Variants in DCDC2 observed in about 807,000 individuals in gnomAD.
DCDC2 encodes the protein doublecortin domain containing 2.
Under a neutral mutation model 50.2 loss-of-function variants are expected in DCDC2, and 40 were observed. The observed-to-expected ratio is 0.80, with a 90% confidence interval of 0.62 to 1.04. The LOEUF (loss-of-function observed/expected upper bound fraction) is 1.04, where lower values mean the gene tolerates loss of function less well. Among genes scored for constraint, DCDC2 ranks in the 50% least tolerant of loss-of-function variants. The pLI is 0.00. For missense variants in DCDC2, 570 were observed against 581.9 expected (o/e 0.98, Z 0.21); for synonymous variants, 234 against 210.6 (o/e 1.11, Z -0.96).
chr6:24,289,971 C>CTTT (rs3077132), intron 5 of DCDC2, among the ~76,000 whole-genome samples: 12 of 61,046 alleles, frequency 2.0e-4, no homozygotes, highest in Non-Finnish European at 1.7e-4. Context: ...CAGAGCTCTT[C>CTTT]TTTTTTTTTT....
At chr6:24,224,893 A>T (rs1396181546) in intron 7 of DCDC2, among the ~76,000 whole-genome samples, 1 of 152,162 alleles carries the variant, frequency 6.6e-6, no homozygotes, top group Non-Finnish European at 1.5e-5. Context: ...AAGAGCCTTA[A>T]AGAGGAAGTT....
intron 7 of DCDC2, 95 bp from the exon 8 acceptor site, chr6:24,205,197 C>T (rs1336833901): frequency 6.2e-7 from 1 of 1,613,636 alleles, no homozygotes; most frequent in African/African-American, 1.3e-5. Context: ...TTTTAATAGA[C>T]ATTTGGATTC....
At chr6:24,203,026 G>A (rs993832411) in intron 8 of DCDC2, among the ~76,000 whole-genome samples, 19 of 152,170 alleles carry the variant, frequency 1.2e-4, no homozygotes, top group Admixed American at 1.3e-4. Context: ...CTTGTGGATA[G>A]GAAGAATTGA....
intron 2 of DCDC2, among the ~76,000 whole-genome samples, chr6:24,338,035 C>T (rs1314976406): frequency 1.3e-5 from 2 of 152,164 alleles, no homozygotes; most frequent in South Asian, 4.1e-4. Context: ...CTTCCTTCTG[C>T]ATTAACACAC....
At chr6:24,219,815 T>C (rs915574273) in intron 7 of DCDC2, among the ~76,000 whole-genome samples, 1 of 152,216 alleles carries the variant, frequency 6.6e-6, no homozygotes, top group Non-Finnish European at 1.5e-5. Context: ...AATATGTGTG[T>C]GTTTGTGGTT....
chr6:24,199,221 A>T (rs1037353251), intron 8 of DCDC2, among the ~76,000 whole-genome samples: 7 of 152,170 alleles, frequency 4.6e-5, no homozygotes, highest in African/African-American at 1.7e-4. Flanking sequence ...CTGGGAGAAA[A>T]TTCACAGGAT....
At chr6:24,228,764 CAT>C (rs1415308590) in intron 7 of DCDC2, among the ~76,000 whole-genome samples, 1 of 152,170 alleles carries the variant, frequency 6.6e-6, no homozygotes, top group African/African-American at 2.4e-5. Context: ...GGAATAATCA[CAT>C]CTTGGGTCTT....
At chr6:24,190,937 C>T (rs576251559) in intron 8 of DCDC2, among the ~76,000 whole-genome samples, 4 of 152,300 alleles carry the variant, frequency 2.6e-5, no homozygotes, top group African/African-American at 9.6e-5. Flanking sequence ...CCCTCATCTT[C>T]TCACTTCTCT....
intron 5 of DCDC2, among the ~76,000 whole-genome samples, chr6:24,290,084 C>A (rs1021022009): frequency 4.1e-5 from 6 of 146,236 alleles, no homozygotes; most frequent in African/African-American, 1.5e-4. Flanking sequence ...AGCTCCGCCT[C>A]CCGGGTTCAC....
chr6:24,352,984 G>T (rs1415348061), intron 2 of DCDC2, among the ~76,000 whole-genome samples: 2 of 152,198 alleles, frequency 1.3e-5, no homozygotes, highest in African/African-American at 4.8e-5. Context: ...CTCCACCAGG[G>T]TTTCAGAAGC....
At position 24,205,342 on chromosome 6, in the gene DCDC2, G is replaced by A. The variant is rs1162456686; in HGVS notation, c.923-240C>T. 4.7e-6 allele frequency: 7 copies of A among 1,504,286 alleles called. No individual in the cohort carries two copies. In the East Asian group the frequency reaches 1.5e-4, roughly 32 times the overall value. 93.2% of individuals were successfully genotyped at this position (1,504,286 alleles called of 1,614,324 possible). A position where few individuals can be genotyped will look rare whatever the true frequency, so the allele number is the denominator to read the frequency against. On this transcript the variant is annotated intron_variant, in intron 7 of 9. Transcript: ENST00000378454. The stretch of plus-strand genomic sequence containing the variant: ...CCCAGCAGGGTAAAGTTCTGTCGAA[G>A]CTCCTGTTCACCCTTTGGCTACTGA...
In DCDC2 at chr6:24,316,461, C is replaced by T. The variant is rs557252106; in HGVS notation, c.349-14417G>A. On this transcript the variant is annotated intron_variant, in intron 2 of 9. Transcript: ENST00000378454. ...AGAAGGATCAGCTGTATGGATGCCA[C>T]TAATGGAAATATTAAGATAAACGAG... is the stretch of plus-strand genomic sequence containing the variant. Among the ~76,000 whole-genome samples, 3 of 152,140 alleles carry T rather than the reference C, an allele frequency of 2.0e-5. 1 individual carries two copies. Among genetic ancestry groups the T allele is most frequent in the Admixed American group, 2.0e-4 (3 of 15,278 alleles).
At chr6:24,346,400 G>C (rs1213196634) in intron 2 of DCDC2, among the ~76,000 whole-genome samples, 2 of 152,124 alleles carry the variant, frequency 1.3e-5, no homozygotes, top group African/African-American at 4.8e-5. Flanking sequence ...ATCATGTAGA[G>C]CTGTCAACAC....
At chr6:24,177,309 T>C (rs1760945100) in intron 9 of DCDC2, among the ~76,000 whole-genome samples, 1 of 152,204 alleles carries the variant, frequency 6.6e-6, no homozygotes, top group African/African-American at 2.4e-5. Flanking sequence ...ATAACTCATA[T>C]AGTGGATTGC....
intron 7 of DCDC2, among the ~76,000 whole-genome samples, chr6:24,231,696 A>T (rs576813183): frequency 6.6e-6 from 1 of 152,194 alleles, no homozygotes; most frequent in South Asian, 2.1e-4. Flanking sequence ...GAATAGCAGG[A>T]GACATTAAAA....
upstream of DCDC2, among the ~76,000 whole-genome samples, chr6:24,358,655 C>A (rs550017626): frequency 2.3e-4 from 31 of 137,692 alleles, no homozygotes; most frequent in African/African-American, 8.2e-4. Flanking sequence ...GCACTCCAGC[C>A]TGGGCGACAC....
chr6:24,317,758 A>T (rs1265387384), intron 2 of DCDC2, among the ~76,000 whole-genome samples: 2 of 152,032 alleles, frequency 1.3e-5, no homozygotes, highest in South Asian at 4.2e-4. Context: ...GAGATAAAGC[A>T]TAAATATCCT....
At chr6:24,184,941 T>C (rs1761157265) in intron 8 of DCDC2, among the ~76,000 whole-genome samples, 1 of 152,246 alleles carries the variant, frequency 6.6e-6, no homozygotes, top group African/African-American at 2.4e-5. Context: ...CTTTTTAGGA[T>C]TCTGGATATG....
intron 8 of DCDC2, 42 bp downstream of exon 8, chr6:24,204,960 C>T (rs1761676128): frequency 1.3e-6 from 2 of 1,565,680 alleles, no homozygotes; most frequent in Non-Finnish European, 1.7e-6. Context: ...AAAAAAAACA[C>T]TATAATTGTC....
Sources: allele counts gnomAD v4.1 joint callset (sites outside exome capture counted in the v4.1 genomes callset), GRCh38; gene constraint gnomAD v4.1.1; transcripts MANE v1.5; gene names NCBI Gene and HGNC (gene_info 2026-07-23, HGNC 2026-07-21).